Variants in ME1 observed in about 807,000 individuals in gnomAD.
The protein encoded by ME1 is malic enzyme 1.
Under a neutral mutation model 66.4 loss-of-function variants are expected in ME1, and 74 were observed. The ratio of observed to expected loss-of-function variants is 1.11; its 90% CI spans 0.92 to 1.35. The LOEUF is 1.35. ME1 is among the 40% of genes most tolerant of loss of function. The pLI is 0.00. For synonymous variants in ME1, 251 were observed against 235.6 expected, an observed-to-expected ratio of 1.07 and a Z score of -0.60; for missense variants, 750 against 694.1, an observed-to-expected ratio of 1.08 and a Z score of -0.90.
intron 3 of ME1, among the ~76,000 whole-genome samples, chr6:83,377,509 C>T (rs1364587062): frequency 6.6e-6 from 1 of 152,144 alleles, no homozygotes; most frequent in Non-Finnish European, 1.5e-5. Flanking sequence ...CAGTCACTCT[C>T]AAACATGCAA....
chr6:83,301,332 CTCTCTCTTTCTT>C (rs1217235059), intron 6 of ME1, among the ~76,000 whole-genome samples: 10 of 143,734 alleles, frequency 7.0e-5, no homozygotes, highest in African/African-American at 2.6e-4. Flanking sequence ...CTCTCTCTCT[CTCTCTCTTTCTT>C]TCTTTCTTTC....
intron 5 of ME1, among the ~76,000 whole-genome samples, chr6:83,345,169 G>A (rs1768664158): frequency 6.6e-6 from 1 of 152,060 alleles, no homozygotes; most frequent in Non-Finnish European, 1.5e-5. Context: ...CTGGCTTAAA[G>A]AGGAAATGTT....
At chr6:83,247,952 A>G (rs1289928180) in intron 7 of ME1, among the ~76,000 whole-genome samples, 1 of 152,194 alleles carries the variant, frequency 6.6e-6, no homozygotes, top group Admixed American at 6.5e-5. Context: ...TTAGTCGTGA[A>G]AAACTAGTTA....
intron 6 of ME1, among the ~76,000 whole-genome samples, chr6:83,314,810 T>G (rs1022382037): frequency 6.6e-6 from 1 of 152,198 alleles, no homozygotes; most frequent in Non-Finnish European, 1.5e-5. Flanking sequence ...CATGATGGAA[T>G]GCCCTGTCCT....
At chr6:83,361,142 A>T (rs1175820340) in intron 3 of ME1, among the ~76,000 whole-genome samples, 1 of 152,226 alleles carries the variant, frequency 6.6e-6, no homozygotes, top group Non-Finnish European at 1.5e-5. Flanking sequence ...AGTGAGTAAG[A>T]AGTAGCAAAC....
chr6:83,234,134 G>A (rs964687547), intron 9 of ME1, among the ~76,000 whole-genome samples: 1 of 152,142 alleles, frequency 6.6e-6, no homozygotes, highest in African/African-American at 2.4e-5. Context: ...CTCAGTAAAT[G>A]TGTGTTAAAA....
chr6:83,311,917 C>A (rs1325726799), intron 6 of ME1, among the ~76,000 whole-genome samples: 3 of 152,020 alleles, frequency 2.0e-5, no homozygotes, highest in Admixed American at 6.6e-5. Flanking sequence ...AAAGCTACTA[C>A]TCAATATTTA....
Position 83,379,675 on chromosome 6 carries a change from A to T in ME1, c.362+18692T>A, listed in dbSNP as rs566494557. Among the ~76,000 whole-genome samples the T allele has an allele frequency of 3.3e-5, 5 of 152,184 alleles. No homozygotes were observed. The East Asian group carries it at 9.6e-4, about 29-fold the overall frequency. On this transcript the variant is annotated intron_variant, in intron 3 of 13. Transcript: ENST00000369705. ...TTTTTTAGTTGATGAGTCAGATGAC[A>T]TCCATCCTTTTCCATTATTATATAT... is the stretch of plus-strand genomic sequence containing the variant.
Position 83,407,791 on chromosome 6 carries a change from C to T in ME1, c.189G>A (p.Glu63=). ...ACCTGTCAAAGTCAGAGTTCAGATGCTCGAAATTTTTTACTACTCTAAGAA... is the reference window on the plus strand; with the variant it reads ...ACCTGTCAAAGTCAGAGTTCAGATGTTCGAAATTTTTTACTACTCTAAGAA... ...IQVLRVVKNF[E]HLNSDFDRYL... Residue 63 remains glutamate, a synonymous_variant, in exon 2 of 14, where the codon GAG becomes GAA. Coordinates refer to ENST00000369705, the MANE Select transcript of ME1 (RefSeq NM_002395.6). The T allele has an allele frequency of 1.2e-6, 2 of 1,608,140 alleles. No homozygotes were observed. The highest frequency in any genetic ancestry group is 1.7e-6 in the Non-Finnish European group (2 of 1,178,488).
chr6:83,323,317 G>A (rs1256930547), intron 5 of ME1, among the ~76,000 whole-genome samples: 1 of 152,138 alleles, frequency 6.6e-6, no homozygotes, highest in Non-Finnish European at 1.5e-5. Flanking sequence ...AACCTTAAAT[G>A]TAAATGGGCT....
At chr6:83,293,118 G>A (rs1767534357) in intron 6 of ME1, among the ~76,000 whole-genome samples, 2 of 152,116 alleles carry the variant, frequency 1.3e-5, no homozygotes, top group Admixed American at 1.3e-4. Context: ...GCGACACCCT[G>A]CCCTGCTTCA....
intron 1 of ME1, among the ~76,000 whole-genome samples, chr6:83,411,515 G>A (rs2128552449): frequency 6.6e-6 from 1 of 152,190 alleles, no homozygotes; most frequent in East Asian, 1.9e-4. Context: ...TAAAGCCACA[G>A]TTTCTATTTT....
chr6:83,359,337 T>C (rs373449168), intron 3 of ME1, among the ~76,000 whole-genome samples: 2 of 152,100 alleles, frequency 1.3e-5, no homozygotes, highest in African/African-American at 4.8e-5. Context: ...GTGTGACCCA[T>C]GAGGAGGTGC....
chr6:83,406,597 G>A (rs151223998), intron 2 of ME1, among the ~76,000 whole-genome samples: 27 of 152,240 alleles, frequency 1.8e-4, no homozygotes, highest in Non-Finnish European at 3.2e-4. Context: ...AGATTTCAAC[G>A]TACGAATTTG....
chr6:83,345,160 T>A (rs1303327257), intron 5 of ME1, among the ~76,000 whole-genome samples: 2 of 152,134 alleles, frequency 1.3e-5, no homozygotes, highest in Non-Finnish European at 2.9e-5. Flanking sequence ...CCACCTCTCC[T>A]GGCTTAAAGA....
chr6:83,417,225 T>G (rs1770178618), intron 1 of ME1, among the ~76,000 whole-genome samples: 1 of 152,122 alleles, frequency 6.6e-6, no homozygotes, highest in Non-Finnish European at 1.5e-5. Context: ...AAAAAATTTT[T>G]TTTTGAGACA....
rs761365183 is a variant in ME1, at chr6:83,212,005, A to G, written c.1638T>C (p.Ser546=). The part of the protein sequence containing the change: ...KEAFVRSQMY[S]TDYDQILPDC... The stretch of plus-strand genomic sequence containing the variant: ...CAGGTAGAATCTGGTCATAATCAGT[A>G]CTATACATCTGGGAGCGGACAAATG... Residue 546 remains serine, a synonymous_variant, in exon 14 of 14, where the codon AGT becomes AGC. Transcript: ENST00000369705. 3.1e-6 allele frequency: 5 copies of G among 1,613,272 alleles called. No homozygotes were observed. Among genetic ancestry groups the G allele is most frequent in the Non-Finnish European group, 4.2e-6 (5 of 1,179,448 alleles).
intron 7 of ME1, among the ~76,000 whole-genome samples, chr6:83,251,634 A>C (rs1790726966): frequency 6.6e-6 from 1 of 152,174 alleles, no homozygotes. Flanking sequence ...GTCATAATTG[A>C]GATGAGATTT....
intron 6 of ME1, among the ~76,000 whole-genome samples, chr6:83,282,714 A>T (rs1335286955): frequency 6.6e-6 from 1 of 152,206 alleles, no homozygotes; most frequent in Non-Finnish European, 1.5e-5. Flanking sequence ...TTCCTCAAGG[A>T]TCTAGAACCA....
Sources: allele counts gnomAD v4.1 joint callset (sites outside exome capture counted in the v4.1 genomes callset), GRCh38; gene constraint gnomAD v4.1.1; transcripts MANE v1.5; gene names NCBI Gene and HGNC (gene_info 2026-07-23, HGNC 2026-07-21).